The following DHODH variants were observed in gnomAD, a reference collection of about 807,000 sequenced individuals.
DHODH encodes the protein dihydroorotate dehydrogenase (quinone), mitochondrial.
DHODH carries 30 observed loss-of-function variants against 39.7 expected under a neutral mutation model. The ratio of observed to expected loss-of-function variants is 0.76; its 90% CI spans 0.57 to 1.02. The LOEUF (loss-of-function observed/expected upper bound fraction) is 1.02. Ranked by LOEUF, DHODH falls within the 50% of genes least tolerant of loss-of-function variation. The probability of loss-of-function intolerance (pLI) is 0.00; values close to 1 mark genes in which losing one functional copy is unlikely to be tolerated. For missense variants in DHODH, 531 were observed against 520.8 expected (o/e 1.02, Z -0.19); for synonymous variants, 222 against 213.8 (o/e 1.04, Z -0.34).
chr16:72,008,863 G>A, intron 1 of DHODH, 78 bp downstream of exon 1: 1 of 1,551,004 alleles, frequency 6.4e-7, no homozygotes, highest in Non-Finnish European at 8.7e-7. Flanking sequence ...GGCCGGGCGA[G>A]GCATGGACCG....
chr16:72,019,627 T>C (rs1402372415), intron 4 of DHODH, among the ~76,000 whole-genome samples: 1 of 152,318 alleles, frequency 6.6e-6, no homozygotes, highest in Admixed American at 6.5e-5. Flanking sequence ...GATTTTTAAG[T>C]AAGCTGACCT....
Position 72,027,013 on chromosome 16 carries a change from T to G in DHODH, c.*2814T>G, listed in dbSNP as rs1404107064. 9.2e-6 allele frequency: 1 copy of G among 108,168 alleles called. No individual in the cohort carries two copies. The allele number at this position is 108,168 out of a possible 1,614,324, so 6.7% of individuals were successfully genotyped here. A position where few individuals can be genotyped will look rare whatever the true frequency, so the allele number is the denominator to read the frequency against. On this transcript the variant is annotated 3_prime_UTR_variant, in exon 9 of 9. Coordinates refer to ENST00000219240, the MANE Select transcript of DHODH (RefSeq NM_001361.5). Reference sequence around the variant, plus strand: ...TGTGTGTGTGTGTGTGTGTGTGTTTTTGAGATGGAGTCCTGCTCTGTCACC... The same window carrying G: ...TGTGTGTGTGTGTGTGTGTGTGTTTGTGAGATGGAGTCCTGCTCTGTCACC...
intron 4 of DHODH, among the ~76,000 whole-genome samples, chr16:72,017,741 A>G (rs572973369): frequency 1.1e-4 from 16 of 145,128 alleles, no homozygotes; most frequent in African/African-American, 4.2e-4. Context: ...GTGAGATCCC[A>G]TTTCTCTAAA....
chr16:72,009,705 C>A (rs952376922), intron 1 of DHODH, among the ~76,000 whole-genome samples: 18 of 151,680 alleles, frequency 1.2e-4, no homozygotes, highest in African/African-American at 4.4e-4. Context: ...ACCTCCGCCT[C>A]CCGGGTTCAA....
At chr16:72,020,331 A>ATATATATATATATATATATATATGTG (rs1567572725) in intron 4 of DHODH, 4 of 26,096 alleles carry the variant, frequency 1.5e-4, no homozygotes, top group East Asian at 2.9e-3. Flanking sequence ...GTATATGTGT[A>ATATATATATATATATATATATATGTG]TATATATATA....
At position 72,026,961 on chromosome 16, in the gene DHODH, G is replaced by C. The variant is rs1272289026; in HGVS notation, c.*2762G>C. 1.5e-3 allele frequency: 4 copies of C among 2,686 alleles called. No individual in the cohort carries two copies. Among genetic ancestry groups the C allele is most frequent in the Non-Finnish European group, 3.3e-3 (4 of 1,206 alleles). 0.2% of individuals were successfully genotyped at this position (2,686 alleles called of 1,614,324 possible). A position where few individuals can be genotyped will look rare whatever the true frequency, so the allele number is the denominator to read the frequency against. On this transcript the variant is annotated 3_prime_UTR_variant, in exon 9 of 9. Transcript: ENST00000219240. ...GCCCACTACCACACCCAGCTAATTT[G>C]TGTGTGTGTGTGTGTGTGTGTGTGT...
intron 8 of DHODH, 82 bp from the exon 9 acceptor site, chr16:72,024,063 T>C (rs748645671): frequency 1.2e-4 from 168 of 1,449,174 alleles, no homozygotes; most frequent in Non-Finnish European, 1.6e-4. Flanking sequence ...ATGATGCGTT[T>C]CTGGGTGAAC....
At chr16:72,022,501 G>C in intron 6 of DHODH, 26 bp downstream of exon 6, 4 of 1,532,366 alleles carry the variant, frequency 2.6e-6, no homozygotes, top group Non-Finnish European at 3.5e-6. Context: ...TGGGCCCAGG[G>C]TGTGCCTCCC....
At chr16:72,009,041 T>G in intron 1 of DHODH, 2 of 1,416,790 alleles carry the variant, frequency 1.4e-6, no homozygotes, top group Non-Finnish European at 1.8e-6. Flanking sequence ...GGGCCATGTT[T>G]TTGAGCCTGG....
At chr16:72,016,990 C>T in intron 3 of DHODH, 34 bp from the exon 4 acceptor site, 2 of 1,602,338 alleles carry the variant, frequency 1.2e-6, no homozygotes, top group Non-Finnish European at 1.7e-6. Flanking sequence ...GGTGCCGTCT[C>T]ACTCTGCCCC....
chr16:72,020,663 A>G (rs1388954437), intron 4 of DHODH, among the ~76,000 whole-genome samples: 1 of 151,882 alleles, frequency 6.6e-6, no homozygotes, highest in Non-Finnish European at 1.5e-5. Context: ...GTTTTTCAGT[A>G]TTTTATACAT....
At chr16:72,011,835 C>T (rs549479962) in intron 1 of DHODH, among the ~76,000 whole-genome samples, 89 of 152,216 alleles carry the variant, frequency 5.8e-4, no homozygotes, top group Non-Finnish European at 1.0e-3. Context: ...AATTTCTGGC[C>T]TGGAGTCCCA....
intron 2 of DHODH, 75 bp from the exon 3 acceptor site, chr16:72,014,398 C>T: frequency 7.1e-7 from 1 of 1,412,194 alleles, no homozygotes; most frequent in South Asian, 1.2e-5. Flanking sequence ...TCTGATGTAG[C>T]TGTGCCAGGA....
chr16:72,022,342 C>G lies in DHODH; in HGVS notation c.706-20C>G, dbSNP rs1316592715. On this transcript the variant is annotated intron_variant, in intron 5 of 8. Coordinates refer to ENST00000219240, the MANE Select transcript of DHODH (RefSeq NM_001361.5). ...GCTGTGGTCTGCGGGGTCCCCAGCT[C>G]TGGCCGTGTGTCGCCCTAGGTGCTG... 3 of 1,545,918 alleles carry G rather than the reference C, an allele frequency of 1.9e-6. No individual in the cohort carries two copies. The highest frequency in any genetic ancestry group is 2.6e-6 in the Non-Finnish European group (3 of 1,143,584).
rs540622224 is a variant in DHODH at position 72,020,378 on chromosome 16, T to A, written c.518-746T>A. The A allele has an allele frequency of 4.5e-5, 6 of 133,636 alleles. 1 individual carries two copies. Among genetic ancestry groups the A allele is most frequent in the African/African-American group, 1.8e-4 (6 of 34,192 alleles). 8.3% of individuals were successfully genotyped at this position (133,636 alleles called of 1,614,324 possible). ...ATGTGTATATATATATATATTTTTT[T>A]TTTTTTTCTTTTTTTTGAGACAGAG... On this transcript the variant is annotated intron_variant, in intron 4 of 8. Transcript: ENST00000219240.
At chr16:72,017,249 A>T in intron 4 of DHODH, 143 bp downstream of exon 4, 1 of 845,062 alleles carries the variant, frequency 1.2e-6, no homozygotes, top group East Asian at 2.7e-5. Context: ...TCCTAGAGCG[A>T]TTTTCCTGGT....
At chr16:72,017,840 C>T (rs983946839) in intron 4 of DHODH, among the ~76,000 whole-genome samples, 3 of 138,476 alleles carry the variant, frequency 2.2e-5, no homozygotes, top group Non-Finnish European at 3.0e-5. Flanking sequence ...GGCGGGATCT[C>T]GGCTCACTGC....
At position 72,023,583 on chromosome 16, in the gene DHODH, G is replaced by T. The variant is rs575129302; in HGVS notation, c.1083G>T (p.Trp361Cys). 6.2e-7 allele frequency: 1 copy of T among 1,614,100 alleles called. No homozygotes were observed. Among genetic ancestry groups the T allele is most frequent in the South Asian group, 1.1e-5 (1 of 91,076 alleles). ...AGCTGTACACGGCCCTCACCTTCTG[G>T]GGGCCACCCGTTGTGGGCAAAGTCA... ...LVQLYTALTF[W>C]GPPVVGKVKR... Residue 361 changes from tryptophan (W) to cysteine (C), a missense_variant, in exon 8 of 9, where the codon TGG becomes TGT. Physicochemically the swap from Trp to Cys is radical, Grantham distance 215. Transcript: ENST00000219240.
In DHODH at chr16:72,017,087, G is replaced by A. The variant is rs199920621; in HGVS notation, c.498G>A (p.Lys166=). 159 of 1,614,148 alleles carry A rather than the reference G, an allele frequency of 9.9e-5. 2 individuals are homozygous for A. The South Asian group carries it at 1.6e-3, about 17-fold the overall frequency. The part of the protein sequence containing the change: ...VEHRLRARQQ[K]QAKLTEDGLP... ...ACAGGTTACGGGCCAGACAGCAGAA[G>A]CAGGCCAAGCTCACAGAAGGTAAAG... Residue 166 remains lysine, a synonymous_variant, in exon 4 of 9, where the codon AAG becomes AAA. Transcript: ENST00000219240.
Sources: allele counts gnomAD v4.1 joint callset (sites outside exome capture counted in the v4.1 genomes callset), GRCh38; gene constraint gnomAD v4.1.1; transcripts MANE v1.5; gene names NCBI Gene and HGNC (gene_info 2026-07-23, HGNC 2026-07-21).